The following COL5A1 variants were observed in gnomAD, a reference collection of about 807,000 sequenced individuals.
COL5A1 encodes the protein collagen alpha-1(V) chain.
Under a neutral mutation model 263.7 loss-of-function variants are expected in COL5A1, and 16 were observed. That is an observed-to-expected ratio of 0.06 (90% CI 0.04 to 0.09). The LOEUF (loss-of-function observed/expected upper bound fraction) is 0.09, where lower values mean the gene tolerates loss of function less well. Among genes scored for constraint, COL5A1 ranks in the 10% least tolerant of loss-of-function variants. COL5A1 has a pLI of 1.00. For missense variants in COL5A1, 2,036 were observed against 2,540.5 expected, an observed-to-expected ratio of 0.80 and a Z score of 4.27; for synonymous variants, 1,012 against 1,004.5, an observed-to-expected ratio of 1.01 and a Z score of -0.14.
chr9:134,780,441 G>GC (rs1425494265), intron 28 of COL5A1, among the ~76,000 whole-genome samples: 1 of 152,180 alleles, frequency 6.6e-6, no homozygotes, highest in Non-Finnish European at 1.5e-5. Flanking sequence ...ACAACACACG[G>GC]CCCCCCACGT....
chr9:134,732,001 T>C, intron 8 of COL5A1, 70 bp from the exon 9 acceptor site: 1 of 1,563,144 alleles, frequency 6.4e-7, no homozygotes, highest in South Asian at 1.1e-5. Context: ...GGGCAGATTT[T>C]GTGTAATCTG....
At chr9:134,705,968 G>A (rs918145615) in intron 4 of COL5A1, among the ~76,000 whole-genome samples, 11 of 152,198 alleles carry the variant, frequency 7.2e-5, no homozygotes, top group Non-Finnish European at 1.0e-4. Context: ...CCTCCTGCCC[G>A]TACCTGCACC....
intron 11 of COL5A1, among the ~76,000 whole-genome samples, chr9:134,750,324 C>T (rs578247047): frequency 1.6e-4 from 24 of 152,282 alleles, no homozygotes; most frequent in African/African-American, 5.5e-4. Flanking sequence ...CCTTCTTATC[C>T]CTCCCTCCAA....
chr9:134,817,957 C>A, intron 54 of COL5A1, 126 bp downstream of exon 54: 2 of 966,348 alleles, frequency 2.1e-6, no homozygotes, highest in East Asian at 2.6e-5. Flanking sequence ...CCCAGGGGCA[C>A]CTGGCTCATG....
intron 1 of COL5A1, among the ~76,000 whole-genome samples, chr9:134,644,593 G>GC (rs1361362492): frequency 6.6e-6 from 1 of 151,980 alleles, no homozygotes; most frequent in Non-Finnish European, 1.5e-5. Context: ...CAGGCGCGGG[G>GC]GGGAGCCACC....
chr9:134,711,692 C>A (rs1389198454), intron 4 of COL5A1, among the ~76,000 whole-genome samples: 1 of 152,112 alleles, frequency 6.6e-6, no homozygotes, highest in African/African-American at 2.4e-5. Flanking sequence ...GTTAAGAGTT[C>A]CCATACTTAG....
In COL5A1 at chr9:134,825,883, C is replaced by T; in HGVS notation, c.5046C>T (p.Phe1682=). ...NFTAGGSTCV[F]PDKKSEGARI... ...CAGCCGGGGGGTCGACATGCGTCTTCCCTGACAAGAAGTCCGAAGGGGTGA... is the reference window on the plus strand; with the variant it reads ...CAGCCGGGGGGTCGACATGCGTCTTTCCTGACAAGAAGTCCGAAGGGGTGA... The change falls in exon 63 of 66, where the codon TTC becomes TTT. Residue 1682 remains phenylalanine, a synonymous_variant. Transcript: ENST00000371817. The T allele has an allele frequency of 6.2e-7, 1 of 1,612,722 alleles. No individual in the cohort carries two copies. Among genetic ancestry groups the T allele is most frequent in the East Asian group, 2.2e-5 (1 of 44,842 alleles).
chr9:134,659,818 G>C (rs1640331535), intron 1 of COL5A1, among the ~76,000 whole-genome samples: 1 of 152,226 alleles, frequency 6.6e-6, no homozygotes, highest in Non-Finnish European at 1.5e-5. Context: ...CCTGTGCCCA[G>C]CTGTGTGTGC....
At chr9:134,828,709 A>AAT (rs1288174930) in intron 63 of COL5A1, among the ~76,000 whole-genome samples, 4 of 618 alleles carry the variant, frequency 6.5e-3, no homozygotes, top group African/African-American at 9.5e-3. Context: ...TACCACACAT[A>AAT]GATACGCACC....
In COL5A1 at chr9:134,801,986, C is replaced by T. The variant is rs768883188; in HGVS notation, c.2985C>T (p.Pro995=). ...AAGGCAAGACCGGCCCTCCAGGCCC[C>T]CCCGGCGTGGTCGGCCCTCAGGTAA... ...GFQGKTGPPG[P]PGVVGPQGPT... is the part of the protein sequence containing the mutation. Residue 995 remains proline (P), a synonymous_variant, in exon 38 of 66, where the codon CCC becomes CCT. Transcript: ENST00000371817. 7.4e-6 allele frequency: 12 copies of T among 1,613,324 alleles called. No individual in the cohort carries two copies. The East Asian group carries it at 2.5e-4, about 33-fold the overall frequency.
Position 134,642,274 on chromosome 9 carries a change from G to C in COL5A1, c.87G>C (p.Trp29Cys). The stretch of plus-strand genomic sequence containing the variant: ...CCCCGCTGCTGCTGCTGCTGCTGTG[G>C]GCGCCGCCTCCGAGCCGCGCAGGTA... ...LLPPLLLLLL[W>C]APPPSRAAQP... is the part of the protein sequence containing the mutation. Residue 29 changes from tryptophan to cysteine, a missense_variant, in exon 1 of 66, where the codon TGG (tryptophan) becomes TGC (cysteine). Physicochemically the swap from Trp to Cys is radical, Grantham distance 215. Transcript: ENST00000371817. This position sits in a 1 kb window ranked among gnomAD's most constrained non-coding sequence, Gnocchi z 4.5. 8.4e-7 allele frequency: 1 copy of C among 1,196,432 alleles called. No individual in the cohort carries two copies. The highest frequency in any genetic ancestry group is 4.1e-5 in the Admixed American group (1 of 24,464). 74.1% of individuals were successfully genotyped at this position (1,196,432 alleles called of 1,614,324 possible).
At chr9:134,669,229 TC>T (rs1832456431) in intron 1 of COL5A1, among the ~76,000 whole-genome samples, 4 of 82,030 alleles carry the variant, frequency 4.9e-5, no homozygotes, top group African/African-American at 2.2e-4. Context: ...TCCCTTCCCT[TC>T]CCTTTCCTTC....
rs778034556 is a variant in COL5A1, at chr9:134,705,353, G to A, written c.654+4020G>A. Among the ~76,000 whole-genome samples the A allele has an allele frequency of 9.2e-5, 14 of 152,370 alleles. No homozygotes were observed. In the Middle Eastern group the frequency reaches 0.01, roughly 111 times the overall value. ...GGAGCCTGAGTGTGTGGCTTTGGCC[G>A]TGTCAGCAGCCCCCTGCGCCTGCAG... On this transcript the variant is annotated intron_variant, in intron 4 of 65. Coordinates refer to ENST00000371817, the MANE Select transcript of COL5A1 (RefSeq NM_000093.5).
intron 6 of COL5A1, 110 bp from the exon 7 acceptor site, chr9:134,730,126 T>G: frequency 6.7e-7 from 1 of 1,503,658 alleles, no homozygotes; most frequent in South Asian, 1.1e-5. Context: ...AGGCCTGGGC[T>G]CCAGGCGTTG....
intron 1 of COL5A1, among the ~76,000 whole-genome samples, chr9:134,674,738 T>C (rs1474812926): frequency 6.6e-6 from 1 of 152,098 alleles, no homozygotes; most frequent in Non-Finnish European, 1.5e-5. Context: ...ATACAAAAGT[T>C]AGCTGGGTAT....
intron 2 of COL5A1, among the ~76,000 whole-genome samples, chr9:134,697,468 T>C (rs2132564324): frequency 1.3e-5 from 2 of 152,262 alleles, no homozygotes; most frequent in South Asian, 4.1e-4. Flanking sequence ...TCTTTGATCT[T>C]TTAAGACGGA....
In COL5A1 at chr9:134,829,784, C is replaced by A. The variant is rs747809074; in HGVS notation, c.5068-192C>A. ...CTGGGCCGGGCTCATTCTCCTGTGA[C>A]CTCCAGTCTCCCCACAAGGGCCGGG... is the stretch of plus-strand genomic sequence containing the variant. On this transcript the variant is annotated intron_variant, in intron 63 of 65. Transcript: ENST00000371817. Among the ~76,000 whole-genome samples the A allele has an allele frequency of 5.7e-4, 87 of 152,176 alleles. 1 individual carries two copies. Among genetic ancestry groups the A allele is most frequent in the Non-Finnish European group, 3.8e-4 (26 of 68,008 alleles).
chr9:134,727,216 A>C, intron 4 of COL5A1, 50 bp from the exon 5 acceptor site: 1 of 1,607,326 alleles, frequency 6.2e-7, no homozygotes, highest in Non-Finnish European at 8.5e-7. Flanking sequence ...CCAGGTCCCC[A>C]TGCGAGTGCT....
chr9:134,806,214 C>A lies in COL5A1; in HGVS notation c.3284C>A (p.Ala1095Asp). ...GGATCTCCAGGGGAGAGAGGTCCAGCTGGAGCCGCTGGGCCCATCGGAATT... is the reference window on the plus strand; with the variant it reads ...GGATCTCCAGGGGAGAGAGGTCCAGATGGAGCCGCTGGGCCCATCGGAATT... The part of the protein sequence containing the change: ...PAGSPGERGP[A>D]GAAGPIGIPG... The change falls in exon 42 of 66, where the codon GCT becomes GAT. Residue 1095 changes from alanine (A) to aspartate (D), a missense_variant. Ala to Asp is a moderately radical substitution (Grantham distance 126). Coordinates refer to ENST00000371817, the MANE Select transcript of COL5A1 (RefSeq NM_000093.5). The A allele has an allele frequency of 6.4e-7, 1 of 1,550,716 alleles. No homozygotes were observed. The highest frequency in any genetic ancestry group is 8.7e-7 in the Non-Finnish European group (1 of 1,146,900).
Sources: allele counts gnomAD v4.1 joint callset (sites outside exome capture counted in the v4.1 genomes callset), GRCh38; gene constraint gnomAD v4.1.1; non-coding constraint Gnocchi (gnomAD v3.1); transcripts MANE v1.5; gene names NCBI Gene and HGNC (gene_info 2026-07-23, HGNC 2026-07-21).